The following RABGAP1 variants were observed in gnomAD, a reference collection of about 807,000 sequenced individuals.
RABGAP1 encodes rab GTPase-activating protein 1.
RABGAP1 carries 23 observed loss-of-function variants against 137.6 expected under a neutral mutation model. The ratio of observed to expected loss-of-function variants is 0.17; its 90% CI spans 0.12 to 0.24. The LOEUF (loss-of-function observed/expected upper bound fraction) is 0.24, where lower values mean the gene tolerates loss of function less well. RABGAP1 is among the 10% of genes least tolerant of loss of function. RABGAP1 has a pLI of 1.00. For synonymous variants in RABGAP1, 451 were observed against 450.7 expected, an observed-to-expected ratio of 1.00 and a Z score of -0.01; for missense variants, 906 against 1,275.8, an observed-to-expected ratio of 0.71 and a Z score of 4.42.
At chr9:123,079,219 T>C (rs2034621106) in intron 19 of RABGAP1, among the ~76,000 whole-genome samples, 1 of 73,152 alleles carries the variant, frequency 1.4e-5, no homozygotes, top group Non-Finnish European at 6.2e-5. Context: ...GTTTGTTTTT[T>C]TGTTTTTTTG....
At chr9:123,087,591 G>A (rs767239827) in intron 19 of RABGAP1, among the ~76,000 whole-genome samples, 1 of 152,218 alleles carries the variant, frequency 6.6e-6, no homozygotes, top group African/African-American at 2.4e-5. Context: ...GGCCTAAACT[G>A]CAGAAGATCT....
At chr9:122,984,783 C>T (rs1329380386) in intron 3 of RABGAP1, 64 bp downstream of exon 3, 2 of 1,426,688 alleles carry the variant, frequency 1.4e-6, no homozygotes, top group Non-Finnish European at 1.9e-6. Flanking sequence ...AGTGTCCACC[C>T]TGTACTAGGT....
At position 122,971,923 on chromosome 9, in the gene RABGAP1, C is replaced by T. The variant is rs1016925277; in HGVS notation, c.151-12562C>T. ...TTGAATATTTTCCAGAAGTGATAAA[C>T]GATATAAATCATTGGCTTCAAAGAA... is the stretch of plus-strand genomic sequence containing the variant. On this transcript the variant is annotated intron_variant, in intron 2 of 25. Transcript: ENST00000373647. The T allele has an allele frequency of 3.3e-5, 5 of 152,044 alleles. No individual in the cohort carries two copies. In the South Asian group the frequency reaches 8.3e-4, roughly 25 times the overall value. The allele number at this position is 152,044 out of a possible 1,614,324, so 9.4% of individuals were successfully genotyped here. A position where few individuals can be genotyped will look rare whatever the true frequency, so the allele number is the denominator to read the frequency against.
intron 13 of RABGAP1, among the ~76,000 whole-genome samples, chr9:123,051,848 G>A (rs926890692): frequency 2.6e-5 from 4 of 151,294 alleles, no homozygotes; most frequent in Non-Finnish European, 5.9e-5. Flanking sequence ...ATGGAGTGCA[G>A]TGGCGCAGTC....
intron 10 of RABGAP1, among the ~76,000 whole-genome samples, chr9:123,004,236 C>T (rs987086213): frequency 6.6e-6 from 1 of 152,274 alleles, no homozygotes; most frequent in South Asian, 2.1e-4. Context: ...TGACACTTAG[C>T]AAGTAATCTT....
intron 13 of RABGAP1, among the ~76,000 whole-genome samples, chr9:123,060,678 C>T (rs2033935649): frequency 6.6e-6 from 1 of 152,178 alleles, no homozygotes; most frequent in Non-Finnish European, 1.5e-5. Context: ...TAGCCAGTCT[C>T]ATGTGTGTCA....
chr9:123,020,235 CT>C (rs2031537469), intron 12 of RABGAP1, 73 bp from the exon 13 acceptor site: 1 of 1,275,686 alleles, frequency 7.8e-7, no homozygotes, highest in East Asian at 2.6e-5. Context: ...TTTAAATTGA[CT>C]TTGATAAAAG....
intron 10 of RABGAP1, among the ~76,000 whole-genome samples, chr9:123,001,111 G>A (rs1002548630): frequency 6.6e-6 from 1 of 152,118 alleles, no homozygotes; most frequent in Non-Finnish European, 1.5e-5. Flanking sequence ...GCCTCCCAAA[G>A]TGCTGGGATT....
At chr9:122,941,770 A>G (rs950137540) in intron 1 of RABGAP1, among the ~76,000 whole-genome samples, 1 of 152,236 alleles carries the variant, frequency 6.6e-6, no homozygotes, top group Non-Finnish European at 1.5e-5. Flanking sequence ...GATAACCTCA[A>G]GACTTCCAGG....
At chr9:122,989,915 C>G in intron 5 of RABGAP1, 141 bp from the exon 6 acceptor site, 1 of 989,194 alleles carries the variant, frequency 1.0e-6, no homozygotes, top group Non-Finnish European at 1.5e-6. Context: ...CTTTATAGGC[C>G]TAACAAATTA....
At position 123,010,186 on chromosome 9, in the gene RABGAP1, C is replaced by T. The variant is rs530231004; in HGVS notation, c.1375-168C>T. Among the ~76,000 whole-genome samples, 21 of 151,976 alleles carry T rather than the reference C, an allele frequency of 1.4e-4. No homozygotes were observed. The East Asian group carries it at 1.6e-3, about 11-fold the overall frequency. On this transcript the variant is annotated intron_variant, in intron 10 of 25. Coordinates refer to ENST00000373647, the MANE Select transcript of RABGAP1 (RefSeq NM_012197.4). ...GCTTTTCTGTTTTAAAAAGTTACTT[C>T]TAATGTAGATACTCAAAAAAACATC...
chr9:123,058,142 G>C (rs2033821174), intron 13 of RABGAP1, among the ~76,000 whole-genome samples: 1 of 152,048 alleles, frequency 6.6e-6, no homozygotes, highest in African/African-American at 2.4e-5. Context: ...TCTCCCTTAA[G>C]AATCACTGTT....
intron 1 of RABGAP1, among the ~76,000 whole-genome samples, chr9:122,955,622 G>T (rs754074392): frequency 2.8e-4 from 42 of 151,970 alleles, no homozygotes; most frequent in Non-Finnish European, 1.8e-4. Flanking sequence ...TAACAGTATT[G>T]ATTTGTAAGT....
At chr9:123,074,527 T>C in intron 17 of RABGAP1, 99 bp downstream of exon 17, 1 of 1,292,476 alleles carries the variant, frequency 7.7e-7, no homozygotes, top group South Asian at 1.6e-5. Flanking sequence ...ACAGAATTGG[T>C]CTCTTTAATT....
chr9:123,069,870 C>A (rs2034297626), intron 14 of RABGAP1, among the ~76,000 whole-genome samples: 1 of 151,992 alleles, frequency 6.6e-6, no homozygotes, highest in Admixed American at 6.6e-5. Flanking sequence ...AGCAACAGAG[C>A]AAGACCCTGT....
At chr9:123,076,154 A>T in intron 17 of RABGAP1, 91 bp from the exon 18 acceptor site, 2 of 1,346,866 alleles carry the variant, frequency 1.5e-6, no homozygotes, top group Non-Finnish European at 2.1e-6. Context: ...AAGTTTTCAC[A>T]ATTTCTTTAA....
At chr9:123,034,523 A>C (rs764969935) in intron 13 of RABGAP1, 1 of 1,257,302 alleles carries the variant, frequency 8.0e-7, no homozygotes, top group Admixed American at 2.0e-5. Flanking sequence ...TGTTGGCAGC[A>C]GCCAAGCGGC....
intron 2 of RABGAP1, among the ~76,000 whole-genome samples, chr9:122,970,904 T>C (rs1414475760): frequency 2.0e-5 from 3 of 152,326 alleles, no homozygotes; most frequent in South Asian, 4.1e-4. Context: ...CCTAGCTGTA[T>C]TTACAAGAAA....
At chr9:123,094,355 TCTC>T (rs2035118696) in intron 21 of RABGAP1, among the ~76,000 whole-genome samples, 2 of 152,174 alleles carry the variant, frequency 1.3e-5, no homozygotes, top group Admixed American at 6.5e-5. Flanking sequence ...GGAAATAAAT[TCTC>T]CTCTGTTCCT....
Sources: gnomAD v4.1 joint callset for allele counts (sites outside exome capture counted in the v4.1 genomes callset) on GRCh38, gnomAD v4.1.1 for gene constraint, MANE v1.5 for transcripts, NCBI Gene and HGNC (gene_info 2026-07-23, HGNC 2026-07-21) for gene names.